Variants in SORCS1 observed in about 807,000 individuals in gnomAD.
The protein encoded by SORCS1 is VPS10 domain-containing receptor SorCS1.
Under a neutral mutation model 146.1 loss-of-function variants are expected in SORCS1, and 60 were observed. The ratio of observed to expected loss-of-function variants is 0.41; its 90% CI spans 0.33 to 0.51. The LOEUF (loss-of-function observed/expected upper bound fraction) is 0.51. Ranked by LOEUF, SORCS1 falls within the 20% of genes least tolerant of loss-of-function variation. The pLI, the probability that SORCS1 is intolerant of heterozygous loss-of-function variation, is 0.21. For missense variants in SORCS1, 1,352 were observed against 1,487.6 expected (o/e 0.91, Z 1.50); for synonymous variants, 637 against 584.0 (o/e 1.09, Z -1.31).
chr10:107,122,513 G>A (rs142056220), intron 1 of SORCS1, among the ~76,000 whole-genome samples: 146 of 152,312 alleles, frequency 9.6e-4, no homozygotes, highest in Non-Finnish European at 1.5e-3. Context: ...GCTTTTATCT[G>A]AAGAAGGAAA....
chr10:106,773,597 G>C (rs1471262129), intron 4 of SORCS1, among the ~76,000 whole-genome samples: 1 of 152,174 alleles, frequency 6.6e-6, no homozygotes, highest in Non-Finnish European at 1.5e-5. Context: ...AAGAAACAGA[G>C]AGGTCAGTAG....
At chr10:106,969,827 C>T (rs1404347753) in intron 1 of SORCS1, among the ~76,000 whole-genome samples, 4 of 152,330 alleles carry the variant, frequency 2.6e-5, no homozygotes, top group African/African-American at 9.6e-5. Context: ...AGCCAGTGCC[C>T]ATGAAGGCTC....
chr10:106,579,242 C>CG (rs1026092811), intron 25 of SORCS1, 127 bp downstream of exon 25: 1 of 1,613,912 alleles, frequency 6.2e-7, no homozygotes, highest in African/African-American at 1.3e-5. Context: ...CATTAATCCC[C>CG]GGGATCTTCC....
intron 5 of SORCS1, among the ~76,000 whole-genome samples, chr10:106,744,993 TA>T (rs1454066308): frequency 2.0e-5 from 3 of 152,172 alleles, no homozygotes; most frequent in Admixed American, 2.0e-4. Context: ...AAATGCTCCT[TA>T]AAAAAAGACC....
chr10:107,080,422 T>C (rs551065642), intron 1 of SORCS1, among the ~76,000 whole-genome samples: 1 of 152,334 alleles, frequency 6.6e-6, no homozygotes, highest in Non-Finnish European at 1.5e-5. Context: ...AACAATACTT[T>C]GAATTTAAAG....
chr10:106,825,972 G>A lies in SORCS1; in HGVS notation c.726+3602C>T, dbSNP rs144126362. ...TGAGATTACAGTTTTTACTGTAACA[G>A]ACCTAGCCAAGGAAAGCTGCTGTAA... On this transcript the variant is annotated intron_variant, in intron 3 of 25. Coordinates refer to ENST00000263054, the MANE Select transcript of SORCS1 (RefSeq NM_052918.5). Among the ~76,000 whole-genome samples, 923 of 152,292 alleles carry A rather than the reference G, an allele frequency of 6.1e-3. 9 individuals are homozygous for A. The highest frequency in any genetic ancestry group is 0.021 in the African/African-American group (852 of 41,552).
chr10:106,816,327 C>T (rs925718025), intron 3 of SORCS1, among the ~76,000 whole-genome samples: 1 of 152,180 alleles, frequency 6.6e-6, no homozygotes, highest in Admixed American at 6.5e-5. Flanking sequence ...TGCCCTAAAC[C>T]TAAATTTGAT....
At chr10:107,096,687 G>A (rs1258833038) in intron 1 of SORCS1, among the ~76,000 whole-genome samples, 1 of 151,852 alleles carries the variant, frequency 6.6e-6, no homozygotes, top group East Asian at 1.9e-4. Flanking sequence ...AATTTTTGTA[G>A]TTTTAGTAGA....
chr10:106,859,021 A>G (rs541611903), intron 2 of SORCS1, among the ~76,000 whole-genome samples: 66 of 152,194 alleles, frequency 4.3e-4, no homozygotes, highest in Non-Finnish European at 8.7e-4. Context: ...ATTTACTAGC[A>G]GCTCCCCCTC....
intron 4 of SORCS1, among the ~76,000 whole-genome samples, chr10:106,773,626 A>G (rs1489993455): frequency 6.6e-6 from 1 of 152,124 alleles, no homozygotes; most frequent in Admixed American, 6.5e-5. Context: ...GCTCTTTCCC[A>G]TCTGTTCATC....
At chr10:107,077,127 T>G (rs10884413) in intron 1 of SORCS1, among the ~76,000 whole-genome samples, 35,659 of 151,966 alleles carry the variant, frequency 0.23, 4,526 homozygotes, top group Middle Eastern at 0.43. Flanking sequence ...GACCTAAAGT[T>G]TCACATGTTT....
At chr10:107,159,105 G>A (rs770850752) in intron 1 of SORCS1, among the ~76,000 whole-genome samples, 1 of 152,120 alleles carries the variant, frequency 6.6e-6, no homozygotes, top group Non-Finnish European at 1.5e-5. Flanking sequence ...AAACCCATGT[G>A]CACAGATTGA....
At chr10:106,880,419 T>C (rs1464760449) in intron 2 of SORCS1, among the ~76,000 whole-genome samples, 1 of 152,216 alleles carries the variant, frequency 6.6e-6, no homozygotes, top group Non-Finnish European at 1.5e-5. Context: ...AGTTCCTAAA[T>C]ATGTCACTGA....
chr10:106,952,542 ATATATTATATTATAT>A (rs35734331), intron 2 of SORCS1, among the ~76,000 whole-genome samples: 1 of 143,054 alleles, frequency 7.0e-6, no homozygotes, highest in African/African-American at 2.5e-5. Context: ...ATGACACATT[ATATATTATATTATAT>A]TATATTATAT....
intron 1 of SORCS1, among the ~76,000 whole-genome samples, chr10:106,976,261 AG>A (rs1955996230): frequency 6.6e-6 from 1 of 150,388 alleles, no homozygotes; most frequent in Non-Finnish European, 1.5e-5. Context: ...CAGAACATGC[AG>A]GTTTGCTACA....
At chr10:106,900,988 C>T (rs1330723250) in intron 2 of SORCS1, among the ~76,000 whole-genome samples, 1 of 152,118 alleles carries the variant, frequency 6.6e-6, no homozygotes, top group East Asian at 1.9e-4. Context: ...CACTAACTTT[C>T]TTCTTCTGAT....
chr10:107,122,951 G>A (rs1246131567), intron 1 of SORCS1, among the ~76,000 whole-genome samples: 2 of 152,044 alleles, frequency 1.3e-5, no homozygotes. Context: ...CACTGTTACT[G>A]CTTTCCCAGG....
intron 1 of SORCS1, among the ~76,000 whole-genome samples, chr10:107,019,928 C>T (rs187484452): frequency 8.5e-4 from 130 of 152,220 alleles, no homozygotes; most frequent in African/African-American, 2.8e-3. Context: ...CTCTGGGGCC[C>T]CAAGGAAGGA....
chr10:107,074,699 C>T (rs1166769857), intron 1 of SORCS1, among the ~76,000 whole-genome samples: 1 of 152,134 alleles, frequency 6.6e-6, no homozygotes, highest in Admixed American at 6.6e-5. Flanking sequence ...ACATCCTTGT[C>T]AACTTTTGGT....
Sources: gnomAD v4.1 joint callset for allele counts (sites outside exome capture counted in the v4.1 genomes callset) on GRCh38, gnomAD v4.1.1 for gene constraint, MANE v1.5 for transcripts, NCBI Gene and HGNC (gene_info 2026-07-23, HGNC 2026-07-21) for gene names.